CELF2: variants seen among roughly 807,000 people sequenced by gnomAD.
CELF2 encodes the protein CUGBP Elav-like family member 2.
Under a neutral mutation model 62.6 loss-of-function variants are expected in CELF2, and 8 were observed. That is an observed-to-expected ratio of 0.13 (90% CI 0.07 to 0.23). The LOEUF (loss-of-function observed/expected upper bound fraction) is 0.23. CELF2 is among the 10% of genes least tolerant of loss of function. The probability of loss-of-function intolerance (pLI) is 1.00; values close to 1 mark genes in which losing one functional copy is unlikely to be tolerated. For synonymous variants in CELF2, 258 were observed against 250.0 expected, an observed-to-expected ratio of 1.03 and a Z score of -0.30; for missense variants, 333 against 671.0, an observed-to-expected ratio of 0.50 and a Z score of 5.56.
At position 10,917,308 on chromosome 10, in the gene CELF2, C is replaced by G. The variant is rs573792132; in HGVS notation, c.54-2656C>G. 6.6e-5 allele frequency among the ~76,000 whole-genome samples: 10 copies of G among 152,262 alleles called. No homozygotes were observed. In the Middle Eastern group the frequency reaches 0.014, roughly 207 times the overall value. On this transcript the variant is annotated intron_variant, in intron 1 of 13. Transcript: ENST00000636488. Reference sequence around the variant, plus strand: ...TTTTGAAACAGAGGTCAATTATGGACATTTCTATTGCAGTGGATTGTTGTT... The same window carrying G: ...TTTTGAAACAGAGGTCAATTATGGAGATTTCTATTGCAGTGGATTGTTGTT...
At chr10:10,759,521 G>T in the CELF2 span, among the ~76,000 whole-genome samples, 2 of 152,020 alleles carry the variant, frequency 1.3e-5, no homozygotes, top group East Asian at 3.9e-4. Context: ...TGTTGGCCAG[G>T]CTGGTCTCGA....
At chr10:10,860,882 G>T (rs1370572752) in intron 1 of CELF2, among the ~76,000 whole-genome samples, 2 of 152,198 alleles carry the variant, frequency 1.3e-5, no homozygotes, top group African/African-American at 4.8e-5. Flanking sequence ...TGGCTGCTAT[G>T]ATTGGCTGAG....
At chr10:10,583,144 A>G in the CELF2 span, among the ~76,000 whole-genome samples, 2 of 152,228 alleles carry the variant, frequency 1.3e-5, no homozygotes, top group Non-Finnish European at 2.9e-5. Flanking sequence ...CAACTATGTG[A>G]AAGAGGATTA....
At chr10:11,048,785 A>G (rs1370621429) in intron 1 of CELF2, among the ~76,000 whole-genome samples, 1 of 152,246 alleles carries the variant, frequency 6.6e-6, no homozygotes, top group Non-Finnish European at 1.5e-5. Flanking sequence ...GACTGTAATT[A>G]CAAATGTAGG....
At chr10:11,273,587 A>G (rs898644252) in intron 7 of CELF2, among the ~76,000 whole-genome samples, 3 of 152,266 alleles carry the variant, frequency 2.0e-5, no homozygotes, top group South Asian at 2.1e-4. Context: ...TGTTACCTCA[A>G]TTGAGATCCA....
the CELF2 span, among the ~76,000 whole-genome samples, chr10:10,464,035 C>T: frequency 6.6e-6 from 1 of 151,136 alleles, no homozygotes; most frequent in African/African-American, 2.4e-5. Flanking sequence ...GCATTCCATA[C>T]GCTGGTAACA....
chr10:10,992,189 G>A (rs1310976536), intron 2 of CELF2, among the ~76,000 whole-genome samples: 1 of 152,156 alleles, frequency 6.6e-6, no homozygotes, highest in Admixed American at 6.5e-5. Context: ...TTACACTTAT[G>A]AATCTACAGA....
At chr10:10,901,966 G>A (rs1419255678) in intron 1 of CELF2, among the ~76,000 whole-genome samples, 1 of 152,140 alleles carries the variant, frequency 6.6e-6, no homozygotes, top group Non-Finnish European at 1.5e-5. Flanking sequence ...TGTCAAATAA[G>A]CACACAGAAA....
chr10:10,741,096 A>T, the CELF2 span, among the ~76,000 whole-genome samples: 1 of 152,228 alleles, frequency 6.6e-6, no homozygotes, highest in African/African-American at 2.4e-5. Flanking sequence ...ACCACTAAAA[A>T]AAAGTTAGCT....
intron 1 of CELF2, among the ~76,000 whole-genome samples, chr10:11,053,370 G>T (rs2064355904): frequency 2.0e-5 from 3 of 152,190 alleles, no homozygotes; most frequent in Admixed American, 6.5e-5. Flanking sequence ...GCTTCCTCTT[G>T]CCATTGGTCC....
At chr10:11,265,098 A>G (rs1046389625) in intron 5 of CELF2, among the ~76,000 whole-genome samples, 9 of 152,270 alleles carry the variant, frequency 5.9e-5, no homozygotes, top group African/African-American at 2.2e-4. Context: ...GTGCCGCTAC[A>G]GTATTGACTT....
At chr10:10,600,026 C>T in the CELF2 span, among the ~76,000 whole-genome samples, 1 of 152,182 alleles carries the variant, frequency 6.6e-6, no homozygotes. Flanking sequence ...CCACCGAGCC[C>T]GGCCTCTGCC....
At chr10:11,257,605 G>A (rs1222575938) in intron 4 of CELF2, 133 bp from the exon 5 acceptor site, 17 of 892,902 alleles carry the variant, frequency 1.9e-5, no homozygotes, top group Admixed American at 7.1e-5. Flanking sequence ...ACAGCTGGAC[G>A]TCTGCAGAGT....
the CELF2 span, among the ~76,000 whole-genome samples, chr10:10,504,356 A>G: frequency 5.1e-4 from 78 of 152,058 alleles, no homozygotes; most frequent in Non-Finnish European, 1.0e-3. Context: ...TCTTGTTGAC[A>G]GTTGTTTTCA....
intron 3 of CELF2, among the ~76,000 whole-genome samples, chr10:11,226,104 A>C (rs190151388): frequency 6.6e-6 from 1 of 152,350 alleles, no homozygotes; most frequent in Non-Finnish European, 1.5e-5. Flanking sequence ...CCAGCACAGC[A>C]CAACGGGAAC....
At chr10:10,663,329 A>G in the CELF2 span, among the ~76,000 whole-genome samples, 1 of 152,202 alleles carries the variant, frequency 6.6e-6, no homozygotes, top group South Asian at 2.1e-4. Flanking sequence ...GAATTGCCTC[A>G]TATGTTGCAA....
At chr10:10,578,742 T>C in the CELF2 span, among the ~76,000 whole-genome samples, 5 of 152,184 alleles carry the variant, frequency 3.3e-5, no homozygotes, top group African/African-American at 9.6e-5. Context: ...ATGACTTAGT[T>C]GCTTGTGTTT....
chr10:10,945,204 C>T (rs1476136170), intron 2 of CELF2, among the ~76,000 whole-genome samples: 3 of 152,116 alleles, frequency 2.0e-5, no homozygotes, highest in African/African-American at 7.2e-5. Flanking sequence ...GGGGACCCAG[C>T]ATAGAAGCAG....
chr10:10,797,277 C>T (rs1157230203), upstream of CELF2, among the ~76,000 whole-genome samples: 2 of 152,036 alleles, frequency 1.3e-5, no homozygotes, highest in Non-Finnish European at 2.9e-5. Context: ...TGACAAAGCA[C>T]TGAATCACAA....
Sources: allele counts gnomAD v4.1 joint callset (sites outside exome capture counted in the v4.1 genomes callset), GRCh38; gene constraint gnomAD v4.1.1; transcripts MANE v1.5; gene names NCBI Gene and HGNC (gene_info 2026-07-23, HGNC 2026-07-21).